The following EXT2 variants were observed in gnomAD, a reference collection of about 807,000 sequenced individuals.
The protein encoded by EXT2 is exostosin glycosyltransferase 2, also known as exostosin-2.
EXT2 carries 53 observed loss-of-function variants against 81.6 expected under a neutral mutation model. The observed-to-expected ratio is 0.65, with a 90% CI of 0.52 to 0.82. The LOEUF (loss-of-function observed/expected upper bound fraction) is 0.82. Ranked by LOEUF, EXT2 falls within the 40% of genes least tolerant of loss-of-function variation. The pLI is 0.00. For missense variants in EXT2, 774 were observed against 910.2 expected (o/e 0.85, Z 1.93); for synonymous variants, 320 against 340.0 (o/e 0.94, Z 0.65).
rs79704667 is a variant in EXT2, at chr11:44,206,718, G to A, written c.1496-75G>A. Reference sequence around the variant, plus strand: ...ACAAGCTGATTCTCCCATCTCATTTGTGATGTCATGCTTTTACTACTTTAT... The same window carrying A: ...ACAAGCTGATTCTCCCATCTCATTTATGATGTCATGCTTTTACTACTTTAT... On this transcript the variant is annotated intron_variant, in intron 9 of 13. Coordinates refer to ENST00000533608, the MANE Select transcript of EXT2 (RefSeq NM_207122.2). The A allele has an allele frequency of 3.0e-3, 4,506 of 1,501,330 alleles. 80 individuals carry two copies. In the African/African-American group the frequency reaches 0.04, roughly 13 times the overall value. 93.0% of individuals were successfully genotyped at this position (1,501,330 alleles called of 1,614,324 possible). A position where few individuals can be genotyped will look rare whatever the true frequency, so the allele number is the denominator to read the frequency against.
intron 9 of EXT2, among the ~76,000 whole-genome samples, chr11:44,204,499 G>A (rs72903941): frequency 0.038 from 5,728 of 152,280 alleles, 155 homozygotes; most frequent in Non-Finnish European, 0.059. Context: ...CTGGTAGGTA[G>A]GGCTATAACC....
intron 8 of EXT2, among the ~76,000 whole-genome samples, chr11:44,183,731 TTCA>T (rs1955269045): frequency 6.6e-6 from 1 of 152,196 alleles, no homozygotes; most frequent in Non-Finnish European, 1.5e-5. Flanking sequence ...TTTTTACCCA[TTCA>T]TCATGATTTA....
At chr11:44,208,743 A>C (rs1247899272) in intron 10 of EXT2, among the ~76,000 whole-genome samples, 1 of 152,162 alleles carries the variant, frequency 6.6e-6, no homozygotes, top group Non-Finnish European at 1.5e-5. Flanking sequence ...TGTTTTTCTT[A>C]TTCTGTGCTG....
intron 1 of EXT2, among the ~76,000 whole-genome samples, chr11:44,107,360 C>T (rs369107207): frequency 1.3e-5 from 2 of 151,862 alleles, no homozygotes; most frequent in African/African-American, 2.4e-5. Flanking sequence ...TTTGGGAGGC[C>T]GAGGCAGGCT....
chr11:44,193,086 C>T (rs1213477416), intron 8 of EXT2, among the ~76,000 whole-genome samples: 4 of 151,762 alleles, frequency 2.6e-5, no homozygotes, highest in African/African-American at 7.3e-5. Flanking sequence ...ATAGCCAAAA[C>T]ATAATGAATA....
At chr11:44,197,611 C>G (rs1458847644) in intron 8 of EXT2, among the ~76,000 whole-genome samples, 3 of 152,134 alleles carry the variant, frequency 2.0e-5, no homozygotes, top group African/African-American at 7.2e-5. Context: ...CTTTTCTCAG[C>G]TGCAAAAGTT....
chr11:44,116,466 T>C (rs1470259079), intron 4 of EXT2: 1 of 152,264 alleles, frequency 6.6e-6, no homozygotes, highest in South Asian at 2.1e-4. Context: ...TGAATAATGC[T>C]GCTATGAACA....
rs994933106 is a variant in EXT2 at position 44,250,858 on chromosome 11, C to T, written c.*6571C>T. On this transcript the variant is annotated 3_prime_UTR_variant, in exon 14 of 14. Transcript: ENST00000533608. ...TTTTCAGGTTTCAACTTTCTGCCAG[C>T]GTCACTGCCTGCTTAGAAGTAAAGT... Among the ~76,000 whole-genome samples, 3 of 152,208 alleles carry T rather than the reference C, an allele frequency of 2.0e-5. No individual in the cohort carries two copies. Among genetic ancestry groups the T allele is most frequent in the Admixed American group, 6.5e-5 (1 of 15,280 alleles).
At chr11:44,217,043 T>G (rs2135229307) in intron 10 of EXT2, among the ~76,000 whole-genome samples, 1 of 149,456 alleles carries the variant, frequency 6.7e-6, no homozygotes, top group Non-Finnish European at 1.5e-5. Flanking sequence ...GGGTGAGGAT[T>G]AGCTCTTTAC....
At chr11:44,171,855 A>G (rs1955079737) in intron 8 of EXT2, 113 bp downstream of exon 8, 9 of 1,522,422 alleles carry the variant, frequency 5.9e-6, no homozygotes, top group Non-Finnish European at 7.2e-6. Flanking sequence ...TTCTAAGATG[A>G]GAGTGTGCTT....
chr11:44,246,097 G>C lies in EXT2; in HGVS notation c.*1810G>C, dbSNP rs1956091240. Among the ~76,000 whole-genome samples, 1 of 152,208 alleles carries C rather than the reference G, an allele frequency of 6.6e-6. No individual in the cohort carries two copies. Among genetic ancestry groups the C allele is most frequent in the Non-Finnish European group, 1.5e-5 (1 of 68,038 alleles). Reference sequence around the variant, plus strand: ...AATATTGGGGACGATATGGTAGAAAGCCAGGAAAAATATTTCTGTTGTCAC... The same window carrying C: ...AATATTGGGGACGATATGGTAGAAACCCAGGAAAAATATTTCTGTTGTCAC... On this transcript the variant is annotated 3_prime_UTR_variant, in exon 14 of 14. Transcript: ENST00000533608.
At chr11:44,111,816 AT>A (rs1954148046) in intron 3 of EXT2, among the ~76,000 whole-genome samples, 1 of 152,198 alleles carries the variant, frequency 6.6e-6, no homozygotes, top group Admixed American at 6.5e-5. Context: ...AGATCCTTGC[AT>A]CTGTAAATAT....
At chr11:44,205,144 G>C (rs1468967283) in intron 9 of EXT2, among the ~76,000 whole-genome samples, 2 of 152,150 alleles carry the variant, frequency 1.3e-5, no homozygotes, top group Non-Finnish European at 2.9e-5. Context: ...ACCTCTCTGA[G>C]CCATGAAAAT....
chr11:44,197,700 G>T (rs1261089752), intron 8 of EXT2, 129 bp from the exon 9 acceptor site: 2 of 908,394 alleles, frequency 2.2e-6, no homozygotes. Flanking sequence ...ACTTTGAGCA[G>T]TTGCTTAGCT....
At chr11:44,155,341 T>G (rs1257342794) in intron 7 of EXT2, among the ~76,000 whole-genome samples, 1 of 152,078 alleles carries the variant, frequency 6.6e-6, no homozygotes, top group Non-Finnish European at 1.5e-5. Flanking sequence ...GTTAAGGACT[T>G]ATTCCTGCCA....
intron 1 of EXT2, among the ~76,000 whole-genome samples, chr11:44,102,454 T>G (rs1230665242): frequency 6.6e-6 from 1 of 151,940 alleles, no homozygotes; most frequent in Middle Eastern, 3.2e-3. Context: ...CCTGTCTCCT[T>G]GCTCCCTCAC....
intron 13 of EXT2, among the ~76,000 whole-genome samples, chr11:44,242,680 C>A (rs1263634064): frequency 6.6e-6 from 1 of 152,154 alleles, no homozygotes; most frequent in Non-Finnish European, 1.5e-5. Context: ...TTAAGCAATC[C>A]ATGAGATATG....
At chr11:44,243,618 C>CTTTTTTTTTTTTTTTTTTT (rs1215047805) in intron 13 of EXT2, among the ~76,000 whole-genome samples, 46 of 72,898 alleles carry the variant, frequency 6.3e-4, no homozygotes, top group East Asian at 1.1e-3. Flanking sequence ...GCCCTGTCAC[C>CTTTTTTTTTTTTTTTTTTT]TTTTTTTTTT....
chr11:44,100,760 G>C (rs1368952630), intron 1 of EXT2, among the ~76,000 whole-genome samples: 2 of 152,146 alleles, frequency 1.3e-5, no homozygotes, highest in Non-Finnish European at 2.9e-5. Flanking sequence ...TTGACAGGTT[G>C]CCTCTGCTAA....
Sources: allele counts gnomAD v4.1 joint callset (sites outside exome capture counted in the v4.1 genomes callset), GRCh38; gene constraint gnomAD v4.1.1; transcripts MANE v1.5; gene names NCBI Gene and HGNC (gene_info 2026-07-23, HGNC 2026-07-21).